The following APBB2 variants were observed in gnomAD, a reference collection of about 807,000 sequenced individuals.
APBB2 encodes Fe65-like 1.
A neutral mutation model predicts 82.5 loss-of-function variants in APBB2; 38 were observed. The ratio of observed to expected loss-of-function variants is 0.46; its 90% CI spans 0.36 to 0.60. The LOEUF is 0.60. Among genes scored for constraint, APBB2 ranks in the 20% least tolerant of loss-of-function variants. The pLI is 0.00. For missense variants in APBB2, 772 were observed against 972.3 expected, an observed-to-expected ratio of 0.79 and a Z score of 2.74; for synonymous variants, 341 against 368.2, an observed-to-expected ratio of 0.93 and a Z score of 0.85.
chr4:41,159,913 G>GA, intron 1 of APBB2, among the ~76,000 whole-genome samples: 1 of 22,700 alleles, frequency 4.4e-5, no homozygotes, highest in East Asian at 1.2e-3. Flanking sequence ...GGAGAAGGAG[G>GA]AGGAGGAGGA....
At position 40,845,588 on chromosome 4, in the gene APBB2, C is replaced by CAAAAAAAAAAAAAAAAAAA. The variant is rs71198606; in HGVS notation, c.1530-15030_1530-15012dup. 3.0e-4 allele frequency among the ~76,000 whole-genome samples: 17 copies of CAAAAAAAAAAAAAAAAAAA among 56,476 alleles called. 2 individuals are homozygous for CAAAAAAAAAAAAAAAAAAA. The highest frequency in any genetic ancestry group is 4.5e-4 in the Non-Finnish European group (15 of 33,440). 37.1% of individuals were successfully genotyped at this position (56,476 alleles called of 152,430 possible). A position where few individuals can be genotyped will look rare whatever the true frequency, so the allele number is the denominator to read the frequency against. On this transcript the variant is annotated intron_variant, in intron 12 of 17. Transcript: ENST00000508593. ...GAATCCAAATGAAAAGGAAATTCCT[C>CAAAAAAAAAAAAAAAAAAA]AAAAAAAAAAAAAAAAAAAAAAAAA...
intron 10 of APBB2, among the ~76,000 whole-genome samples, chr4:40,911,421 T>G (rs1341080970): frequency 2.0e-5 from 3 of 152,206 alleles, no homozygotes; most frequent in African/African-American, 7.2e-5. Flanking sequence ...TGTGTCAACC[T>G]TTATTATGAT....
intron 6 of APBB2, among the ~76,000 whole-genome samples, chr4:40,992,363 G>GA (rs975853600): frequency 2.8e-5 from 4 of 145,130 alleles, no homozygotes; most frequent in Middle Eastern, 3.4e-3. Context: ...GGTAGAGATG[G>GA]GGGGGGGTCT....
At chr4:40,949,682 C>A (rs1403275166) in intron 6 of APBB2, among the ~76,000 whole-genome samples, 2 of 152,040 alleles carry the variant, frequency 1.3e-5, no homozygotes, top group Non-Finnish European at 2.9e-5. Flanking sequence ...CTCTTTTGTT[C>A]TCAGAAAATT....
chr4:40,856,621 T>C (rs1271559084), intron 12 of APBB2, among the ~76,000 whole-genome samples: 1 of 152,260 alleles, frequency 6.6e-6, no homozygotes, highest in Non-Finnish European at 1.5e-5. Flanking sequence ...GACAGAAATG[T>C]GGCCTCACCA....
At chr4:41,168,366 ATTAT>A (rs1392301770) in intron 1 of APBB2, among the ~76,000 whole-genome samples, 6 of 151,680 alleles carry the variant, frequency 4.0e-5, no homozygotes, top group African/African-American at 7.3e-5. Context: ...CATTTTTTTA[ATTAT>A]TTATTTATTT....
At chr4:40,910,549 G>A (rs989570423) in intron 10 of APBB2, among the ~76,000 whole-genome samples, 1 of 152,092 alleles carries the variant, frequency 6.6e-6, no homozygotes, top group Non-Finnish European at 1.5e-5. Context: ...CCCAGCCCTA[G>A]TCTTGATTCC....
At chr4:41,021,648 TGGACCAATCAGCA>T (rs1336805908) in intron 5 of APBB2, among the ~76,000 whole-genome samples, 3 of 152,092 alleles carry the variant, frequency 2.0e-5, no homozygotes, top group African/African-American at 7.2e-5. Context: ...CTCTGTAAAA[TGGACCAATCAGCA>T]GGACGTGGGT....
chr4:41,143,229 C>T (rs1375987405), intron 1 of APBB2, 87 bp from the exon 2 acceptor site: 1 of 152,166 alleles, frequency 6.6e-6, no homozygotes, highest in African/African-American at 2.4e-5. Flanking sequence ...GCAGGATAAC[C>T]TCAAACATGT....
chr4:41,023,783 A>G (rs1398508834), intron 5 of APBB2, among the ~76,000 whole-genome samples: 1 of 152,204 alleles, frequency 6.6e-6, no homozygotes, highest in Non-Finnish European at 1.5e-5. Context: ...ATTCAATACT[A>G]TTCCTATCAA....
chr4:41,004,117 C>T (rs181967874), intron 6 of APBB2, among the ~76,000 whole-genome samples: 5 of 151,942 alleles, frequency 3.3e-5, no homozygotes, highest in African/African-American at 4.8e-5. Context: ...CAGGGTTTCA[C>T]CATGTTGGCC....
At chr4:41,153,262 T>C (rs1483290007) in intron 1 of APBB2, among the ~76,000 whole-genome samples, 1 of 152,202 alleles carries the variant, frequency 6.6e-6, no homozygotes, top group African/African-American at 2.4e-5. Flanking sequence ...TTAGTTCTTG[T>C]GGTCTCAGAA....
At chr4:40,852,076 G>C (rs543255454) in intron 12 of APBB2, among the ~76,000 whole-genome samples, 2 of 152,066 alleles carry the variant, frequency 1.3e-5, no homozygotes, top group African/African-American at 4.8e-5. Flanking sequence ...ATGTAATTAC[G>C]GGGCCGGGCG....
intron 6 of APBB2, among the ~76,000 whole-genome samples, chr4:40,971,849 A>C (rs1356485783): frequency 3.3e-5 from 5 of 152,194 alleles, no homozygotes; most frequent in Admixed American, 1.3e-4. Context: ...CTACATTCAA[A>C]CCATTGACTT....
At chr4:40,911,418 A>G (rs1344200751) in intron 10 of APBB2, among the ~76,000 whole-genome samples, 4 of 152,186 alleles carry the variant, frequency 2.6e-5, no homozygotes, top group Non-Finnish European at 5.9e-5. Context: ...CAATGTGTCA[A>G]CCTTTATTAT....
chr4:40,959,305 T>G (rs944631321), intron 6 of APBB2, among the ~76,000 whole-genome samples: 3 of 152,100 alleles, frequency 2.0e-5, no homozygotes, highest in Non-Finnish European at 4.4e-5. Flanking sequence ...TCCATACAAT[T>G]AAACAGAATA....
chr4:41,019,229 T>C (rs1810818147), intron 5 of APBB2, among the ~76,000 whole-genome samples: 1 of 152,146 alleles, frequency 6.6e-6, no homozygotes, highest in Non-Finnish European at 1.5e-5. Flanking sequence ...TTATGGTTTA[T>C]TGTTTAAAGG....
At chr4:41,007,132 G>A (rs1279253915) in intron 6 of APBB2, among the ~76,000 whole-genome samples, 1 of 152,130 alleles carries the variant, frequency 6.6e-6, no homozygotes, top group Non-Finnish European at 1.5e-5. Context: ...AAATTTATGT[G>A]TTGATTGGAA....
chr4:41,174,079 T>A (rs1446479820), intron 1 of APBB2, among the ~76,000 whole-genome samples: 5 of 152,186 alleles, frequency 3.3e-5, no homozygotes, highest in Non-Finnish European at 5.9e-5. Context: ...AGTTAACAGG[T>A]AACTGTGGAC....
Sources: gnomAD v4.1 joint callset for allele counts (sites outside exome capture counted in the v4.1 genomes callset) on GRCh38, gnomAD v4.1.1 for gene constraint, MANE v1.5 for transcripts, NCBI Gene and HGNC (gene_info 2026-07-23, HGNC 2026-07-21) for gene names.